The following PDE6A variants were observed in gnomAD, a reference collection of about 807,000 sequenced individuals.
PDE6A encodes rod cGMP-specific 3',5'-cyclic phosphodiesterase subunit alpha.
PDE6A carries 84 observed loss-of-function variants against 106.3 expected under a neutral mutation model. That is an observed-to-expected ratio of 0.79 (90% confidence interval 0.66 to 0.95). PDE6A has a LOEUF of 0.95. Ranked by LOEUF, PDE6A falls within the 40% of genes least tolerant of loss-of-function variation. PDE6A has a pLI of 0.00. For synonymous variants in PDE6A, 394 were observed against 386.6 expected, an observed-to-expected ratio of 1.02 and a Z score of -0.23; for missense variants, 1,052 against 1,084.9, an observed-to-expected ratio of 0.97 and a Z score of 0.43.
chr5:149,870,950 AAAG>A (rs892008011), intron 17 of PDE6A, among the ~76,000 whole-genome samples: 1 of 111,876 alleles, frequency 8.9e-6, no homozygotes, highest in Non-Finnish European at 2.0e-5. Flanking sequence ...AGAGAAGAGA[AAAG>A]AAAAGAAAAG....
At chr5:149,882,051 A>AAAATAAATAAAT (rs150887967) in intron 17 of PDE6A, among the ~76,000 whole-genome samples, 2,706 of 144,342 alleles carry the variant, frequency 0.019, 35 homozygotes, top group South Asian at 0.041. Flanking sequence ...CCCTGTCTCA[A>AAAATAAATAAAT]AAATAAATAA....
chr5:149,929,230 A>G lies in PDE6A; in HGVS notation c.858+1798T>C, dbSNP rs75224849. ...AACTCAAATGTCCACCAACAGTGGA[A>G]ATGAATAAATACACTGTAGATTGTA... is the stretch of plus-strand genomic sequence containing the variant. On this transcript the variant is annotated intron_variant, in intron 4 of 21. Coordinates refer to ENST00000255266, the MANE Select transcript of PDE6A (RefSeq NM_000440.3). Among the ~76,000 whole-genome samples, 5 of 152,372 alleles carry G rather than the reference A, an allele frequency of 3.3e-5. No individual in the cohort carries two copies. In the East Asian group the frequency reaches 7.7e-4, roughly 23 times the overall value.
rs144824223 is a variant in PDE6A, at chr5:149,907,337, G to A, written c.1040C>T (p.Pro347Leu). 3.8e-5 allele frequency: 62 copies of A among 1,613,848 alleles called. No homozygotes were observed. In the African/African-American group the frequency reaches 7.5e-4, roughly 19 times the overall value. ...CAGGCCATTCTGGGCAACATAAGCT[G>A]GGAGACCGCTTACTAAAGCCCAATG... ...PDHWALVSGL[P>L]AYVAQNGLIC... The change falls in exon 7 of 22, where the codon CCA becomes CTA. Residue 347 changes from proline to leucine, a missense_variant. This residue lies in a region of PDE6A where 913 missense variants were observed against 915.2 expected (regional missense o/e 1.00). Coordinates refer to ENST00000255266, the MANE Select transcript of PDE6A (RefSeq NM_000440.3).
In PDE6A at chr5:149,868,852, C is replaced by T. The variant is rs146108828; in HGVS notation, c.2136-694G>A. On this transcript the variant is annotated intron_variant, in intron 17 of 21. Transcript: ENST00000255266. ...GAGGCAATATACTCCATTTTTCTAT[C>T]AGTCAGTTAGCTTTTCTGATTTAGG... is the stretch of plus-strand genomic sequence containing the variant. Among the ~76,000 whole-genome samples, 132 of 152,282 alleles carry T rather than the reference C, an allele frequency of 8.7e-4. 2 individuals carry two copies. The East Asian group carries it at 0.022, about 25-fold the overall frequency.
chr5:149,907,196 G>C, intron 7 of PDE6A, 116 bp downstream of exon 7: 2 of 836,058 alleles, frequency 2.4e-6, no homozygotes, highest in South Asian at 2.7e-5. Context: ...AGAGAATTAG[G>C]CTTTTAGAGA....
intron 17 of PDE6A, among the ~76,000 whole-genome samples, chr5:149,872,057 C>T (rs764799709): frequency 6.6e-6 from 1 of 152,106 alleles, no homozygotes; most frequent in Non-Finnish European, 1.5e-5. Context: ...AAATGTGAAC[C>T]TTATGCTCTC....
intron 5 of PDE6A, among the ~76,000 whole-genome samples, chr5:149,920,121 A>G (rs1207272422): frequency 6.6e-6 from 1 of 152,124 alleles, no homozygotes; most frequent in African/African-American, 2.4e-5. Flanking sequence ...TGAGGCCAGG[A>G]GTTCAAGACC....
At chr5:149,929,979 C>A (rs1226537017) in intron 4 of PDE6A, among the ~76,000 whole-genome samples, 5 of 152,114 alleles carry the variant, frequency 3.3e-5, no homozygotes, top group Admixed American at 2.6e-4. Context: ...CCAAGCTGGA[C>A]TCGAACTCCT....
At chr5:149,931,301 TAGAC>T (rs1754028281) in intron 3 of PDE6A, 133 bp from the exon 4 acceptor site, 1 of 837,690 alleles carries the variant, frequency 1.2e-6, no homozygotes, top group Admixed American at 2.1e-5. Context: ...TCCAGAGAAA[TAGAC>T]AGGTTAACTA....
Position 149,932,257 on chromosome 5 carries a change from G to A in PDE6A, c.718-1089C>T, listed in dbSNP as rs1332219929. On this transcript the variant is annotated intron_variant, in intron 3 of 21. Coordinates refer to ENST00000255266, the MANE Select transcript of PDE6A (RefSeq NM_000440.3). Reference sequence around the variant, plus strand: ...TCATTTCTGACCAGCTGTCCATTTTGGCGAACAGCAGTTTCACTCGTAGAC... The same window carrying A: ...TCATTTCTGACCAGCTGTCCATTTTAGCGAACAGCAGTTTCACTCGTAGAC... 6 of 1,416,034 alleles carry A rather than the reference G, an allele frequency of 4.2e-6. No individual in the cohort carries two copies. In the South Asian group the frequency reaches 4.6e-5, roughly 11 times the overall value. The allele number at this position is 1,416,034 out of a possible 1,614,324, so 87.7% of individuals were successfully genotyped here.
At chr5:149,930,749 T>A (rs555113350) in intron 4 of PDE6A, among the ~76,000 whole-genome samples, 2 of 152,340 alleles carry the variant, frequency 1.3e-5, no homozygotes, top group African/African-American at 4.8e-5. Context: ...TCTTTATCAC[T>A]GGCCTTCATC....
chr5:149,927,035 T>C (rs1581206460), intron 4 of PDE6A, among the ~76,000 whole-genome samples: 1 of 144,500 alleles, frequency 6.9e-6, no homozygotes, highest in African/African-American at 2.6e-5. Context: ...AGTGGGAGAA[T>C]ACAGTCATGC....
chr5:149,906,853 C>A (rs1753210660), intron 7 of PDE6A, among the ~76,000 whole-genome samples: 1 of 152,082 alleles, frequency 6.6e-6, no homozygotes, highest in African/African-American at 2.4e-5. Flanking sequence ...CTCACTGCAA[C>A]CTCCGCCTCC....
At chr5:149,920,940 GAAAAAGAAAGAAAGAA>G (rs1753686512) in intron 5 of PDE6A, among the ~76,000 whole-genome samples, 2 of 37,360 alleles carry the variant, frequency 5.4e-5, no homozygotes, top group Admixed American at 3.3e-4. Flanking sequence ...GAGAAAGAGA[GAAAAAGAAAGAAAGAA>G]AGAAAGAAAG....
chr5:149,907,835 G>T (rs1214196234), intron 6 of PDE6A, among the ~76,000 whole-genome samples: 1 of 151,934 alleles, frequency 6.6e-6, no homozygotes, highest in East Asian at 1.9e-4. Context: ...TTGCTTGTTT[G>T]TTGTGAGAAA....
At chr5:149,931,439 G>A (rs1315471635) in intron 3 of PDE6A, among the ~76,000 whole-genome samples, 1 of 151,716 alleles carries the variant, frequency 6.6e-6, no homozygotes, top group Non-Finnish European at 1.5e-5. Context: ...GTTCACACAT[G>A]AACTGAGTAA....
chr5:149,903,650 GA>G lies in PDE6A; in HGVS notation c.1110del (p.Gln371ArgfsTer11). The G allele has an allele frequency of 6.2e-7, 1 of 1,612,548 alleles. No individual in the cohort carries two copies. The highest frequency in any genetic ancestry group is 1.3e-5 in the African/African-American group (1 of 74,996). Reference protein sequence around the residue: ...MNAPAEDFFAFQKEPLDESGW... With the variant: ...MNAPAEDFFAXQKEPLDESGW... ...ACTGCAAATAAAAAATGACTTACCTGAAATGCAAAAAAGTCCTCCGCAGGCG... is the reference window on the plus strand; with the variant it reads ...ACTGCAAATAAAAAATGACTTACCTGAATGCAAAAAAGTCCTCCGCAGGCG... On this transcript the variant is annotated frameshift_variant, in exon 8 of 22. Transcript: ENST00000255266. LOFTEE classifies it high-confidence loss of function.
intron 20 of PDE6A, among the ~76,000 whole-genome samples, chr5:149,865,194 C>G (rs1219664953): frequency 6.7e-6 from 1 of 148,844 alleles, no homozygotes; most frequent in East Asian, 2.0e-4. Flanking sequence ...GAGCTGAGAT[C>G]GCACCACTGC....
At chr5:149,867,927 CT>C in intron 18 of PDE6A, 128 bp from the exon 19 acceptor site, 1 of 1,125,772 alleles carries the variant, frequency 8.9e-7, no homozygotes. Context: ...GCCACCCTCA[CT>C]TTTGCTGTCA....
Sources: allele counts gnomAD v4.1 joint callset (sites outside exome capture counted in the v4.1 genomes callset), GRCh38; gene constraint gnomAD v4.1.1; regional missense constraint gnomAD v4.1.1; transcripts MANE v1.5; gene names NCBI Gene and HGNC (gene_info 2026-07-23, HGNC 2026-07-21).